KANK1: variants seen among roughly 807,000 people sequenced by gnomAD.
KANK1 encodes the protein KN motif and ankyrin repeat domain-containing protein 1.
Under a neutral mutation model 106.2 loss-of-function variants are expected in KANK1, and 109 were observed. The ratio of observed to expected loss-of-function variants is 1.03; its 90% CI spans 0.88 to 1.20. KANK1 has a LOEUF of 1.20. KANK1 is among the 50% of genes most tolerant of loss of function. The probability of loss-of-function intolerance (pLI) is 0.00; values close to 1 mark genes in which losing one functional copy is unlikely to be tolerated. For synonymous variants in KANK1, 873 were observed against 652.2 expected (o/e 1.34, Z -5.16); for missense variants, 2,399 against 1,710.7 (o/e 1.40, Z -7.10).
chr9:487,201 G>T (rs1241816630), intron 3 of KANK1, among the ~76,000 whole-genome samples: 1 of 152,158 alleles, frequency 6.6e-6, no homozygotes, highest in African/African-American at 2.4e-5. Flanking sequence ...ACAATGGTTT[G>T]GCTTATGGTT....
chr9:716,927 G>A lies in KANK1; in HGVS notation c.2698+3463G>A, dbSNP rs553072369. 9.9e-5 allele frequency among the ~76,000 whole-genome samples: 15 copies of A among 151,576 alleles called. No homozygotes were observed. In the South Asian group the frequency reaches 2.5e-3, roughly 25 times the overall value. ...CAGGAGGTTGATTTGAGGCTGCAGT[G>A]AGCTGTGATCACACCACTACACTCC... On this transcript the variant is annotated intron_variant, in intron 3 of 11. Transcript: ENST00000382297.
At chr9:701,759 T>A (rs570611758) in intron 2 of KANK1, among the ~76,000 whole-genome samples, 4 of 152,358 alleles carry the variant, frequency 2.6e-5, no homozygotes, top group African/African-American at 9.6e-5. Context: ...TCGACTAGTT[T>A]CCTGCGATCT....
chr9:533,099 A>G (rs1162869854), intron 1 of KANK1, among the ~76,000 whole-genome samples: 2 of 152,186 alleles, frequency 1.3e-5, no homozygotes, highest in Non-Finnish European at 2.9e-5. Context: ...CCATGGAGAT[A>G]TTGTGACTTA....
intron 1 of KANK1, among the ~76,000 whole-genome samples, chr9:651,775 C>T (rs1840930698): frequency 6.6e-6 from 1 of 152,126 alleles, no homozygotes; most frequent in South Asian, 2.1e-4. Context: ...GAGAGAATTT[C>T]AAAAATTATC....
chr9:481,618 A>G (rs1010118393), intron 3 of KANK1, among the ~76,000 whole-genome samples: 4 of 152,196 alleles, frequency 2.6e-5, no homozygotes, highest in Non-Finnish European at 4.4e-5. Context: ...AAAGCTCATG[A>G]CGGCTCATTA....
At chr9:518,108 A>G (rs968102356) in intron 1 of KANK1, among the ~76,000 whole-genome samples, 1 of 151,238 alleles carries the variant, frequency 6.6e-6, no homozygotes, top group African/African-American at 2.5e-5. Context: ...AAAAAGTGTC[A>G]CTCTTTCCTG....
intron 3 of KANK1, among the ~76,000 whole-genome samples, chr9:478,970 C>T (rs550270945): frequency 4.1e-5 from 6 of 147,748 alleles, no homozygotes; most frequent in African/African-American, 1.0e-4. Context: ...CAGCCTGGGG[C>T]GCAGTGGTGC....
At chr9:506,563 C>T (rs1040549941) in intron 1 of KANK1, among the ~76,000 whole-genome samples, 4 of 151,854 alleles carry the variant, frequency 2.6e-5, no homozygotes, top group African/African-American at 9.7e-5. Context: ...TGCGTGCGCG[C>T]TCGGCAGGGA....
At chr9:660,289 T>G (rs1843007285) in intron 1 of KANK1, 2 of 234,064 alleles carry the variant, frequency 8.5e-6, no homozygotes, top group Admixed American at 8.1e-5. Flanking sequence ...GAGATTGGAA[T>G]GGCTAAGGAC....
At chr9:721,542 T>C (rs983015902) in intron 3 of KANK1, among the ~76,000 whole-genome samples, 1 of 152,214 alleles carries the variant, frequency 6.6e-6, no homozygotes, top group African/African-American at 2.4e-5. Context: ...TGGTCTTTGG[T>C]AGAAATAGAA....
At chr9:598,615 G>GTTTTTTTTT (rs1306483082) in intron 1 of KANK1, among the ~76,000 whole-genome samples, 8 of 73,326 alleles carry the variant, frequency 1.1e-4, no homozygotes, top group East Asian at 4.3e-4. Context: ...TGTTTTGTTG[G>GTTTTTTTTT]TTTTCTTTTT....
rs534293565 is a variant in KANK1, at chr9:589,468, G to A, written c.-84+84714G>A. ...CACTGGGAGGAGGGAGCAGAGTTGG[G>A]GTAAGGAAACTTAGATATACTAAAA... On this transcript the variant is annotated intron_variant, in intron 1 of 11. Transcript: ENST00000382297. Among the ~76,000 whole-genome samples the A allele has an allele frequency of 4.6e-5, 7 of 152,250 alleles. No homozygotes were observed. The East Asian group carries it at 1.3e-3, about 29-fold the overall frequency.
chr9:596,780 T>G (rs962254636), intron 1 of KANK1, among the ~76,000 whole-genome samples: 1 of 151,850 alleles, frequency 6.6e-6, no homozygotes, highest in Non-Finnish European at 1.5e-5. Context: ...AGTTTAATAA[T>G]TGACAATTCA....
intron 1 of KANK1, among the ~76,000 whole-genome samples, chr9:583,616 GT>G (rs1822714830): frequency 1.3e-5 from 2 of 151,478 alleles, no homozygotes; most frequent in South Asian, 4.2e-4. Context: ...TTTGTTCCTT[GT>G]AGGCAAAAGT....
intron 2 of KANK1, among the ~76,000 whole-genome samples, chr9:701,909 A>G (rs575374325): frequency 1.3e-5 from 2 of 152,346 alleles, no homozygotes; most frequent in East Asian, 3.9e-4. Flanking sequence ...AAATATCCAT[A>G]ACTCCATTTC....
At chr9:611,393 G>T (rs1190265190) in intron 1 of KANK1, among the ~76,000 whole-genome samples, 1 of 152,102 alleles carries the variant, frequency 6.6e-6, no homozygotes, top group Non-Finnish European at 1.5e-5. Flanking sequence ...GTAGGACATA[G>T]AAAAAAGTAC....
chr9:686,921 G>A, intron 2 of KANK1: 1 of 985,142 alleles, frequency 1.0e-6, no homozygotes, highest in Non-Finnish European at 1.2e-6. Context: ...CTTCTAGAAA[G>A]GTAAAGGGGG....
At chr9:572,930 T>C (rs1468290934) in intron 1 of KANK1, among the ~76,000 whole-genome samples, 1 of 152,230 alleles carries the variant, frequency 6.6e-6, no homozygotes, top group Middle Eastern at 3.2e-3. Context: ...TTTCATACTT[T>C]GCAGTCTCAT....
intron 3 of KANK1, among the ~76,000 whole-genome samples, chr9:719,488 CTT>C (rs1369196474): frequency 6.6e-6 from 1 of 152,186 alleles, no homozygotes; most frequent in Non-Finnish European, 1.5e-5. Flanking sequence ...TGGCTACACT[CTT>C]CTTTTTTGTG....
Sources: allele counts gnomAD v4.1 joint callset (sites outside exome capture counted in the v4.1 genomes callset), GRCh38; gene constraint gnomAD v4.1.1; transcripts MANE v1.5; gene names NCBI Gene and HGNC (gene_info 2026-07-23, HGNC 2026-07-21).